Variants in N4BP2 observed in about 807,000 individuals in gnomAD.
N4BP2 encodes NEDD4 binding protein 2.
A neutral mutation model predicts 152.8 loss-of-function variants in N4BP2; 91 were observed. The observed-to-expected ratio is 0.60, with a 90% CI of 0.50 to 0.71. The LOEUF is 0.71. Ranked by LOEUF, N4BP2 falls within the 30% of genes least tolerant of loss-of-function variation. The probability of loss-of-function intolerance (pLI) is 0.00; values close to 1 mark genes in which losing one functional copy is unlikely to be tolerated. For synonymous variants in N4BP2, 646 were observed against 705.3 expected, an observed-to-expected ratio of 0.92 and a Z score of 1.33; for missense variants, 1,923 against 2,059.1, an observed-to-expected ratio of 0.93 and a Z score of 1.28.
intron 16 of N4BP2, among the ~76,000 whole-genome samples, chr4:40,151,515 A>C (rs1721149967): frequency 6.6e-6 from 1 of 152,046 alleles, no homozygotes; most frequent in South Asian, 2.1e-4. Context: ...CAAGTGGTCC[A>C]CCTTCCTTAG....
chr4:40,084,088 T>C (rs559214806), intron 2 of N4BP2, among the ~76,000 whole-genome samples: 155 of 152,200 alleles, frequency 1.0e-3, no homozygotes, highest in Non-Finnish European at 1.9e-3. Flanking sequence ...GTAGCTGGGA[T>C]TACAGGCATG....
chr4:40,087,280 TTTTTAAAGGAGGGGAAGCTTC>T (rs1000783124), intron 2 of N4BP2, among the ~76,000 whole-genome samples: 2 of 152,020 alleles, frequency 1.3e-5, no homozygotes, highest in African/African-American at 4.8e-5. Context: ...AAAAAAATTT[TTTTTAAAGGAGGGGAAGCTTC>T]TTGTGTTAAT....
intron 3 of N4BP2, among the ~76,000 whole-genome samples, chr4:40,098,949 G>C (rs371082098): frequency 2.0e-5 from 3 of 152,208 alleles, no homozygotes; most frequent in African/African-American, 7.2e-5. Flanking sequence ...TATTTTTAAT[G>C]GGTTTCTAAT....
At chr4:40,118,876 T>C (rs150190493) in intron 8 of N4BP2, among the ~76,000 whole-genome samples, 5 of 152,286 alleles carry the variant, frequency 3.3e-5, no homozygotes, top group Non-Finnish European at 5.9e-5. Flanking sequence ...AAAAACAGCA[T>C]TAACTGACAG....
intron 1 of N4BP2, chr4:40,057,339 C>T (rs1314910922): frequency 1.3e-5 from 2 of 152,582 alleles, no homozygotes; most frequent in African/African-American, 2.4e-5. Context: ...GGCCTCCAGG[C>T]CCCAGACACA....
intron 1 of N4BP2, among the ~76,000 whole-genome samples, chr4:40,065,629 T>C (rs915597981): frequency 4.6e-5 from 7 of 152,198 alleles, no homozygotes; most frequent in African/African-American, 1.4e-4. Flanking sequence ...AAATATAAAC[T>C]ACTTTCATTT....
At chr4:40,093,987 C>T (rs1714877458) in intron 2 of N4BP2, among the ~76,000 whole-genome samples, 1 of 152,196 alleles carries the variant, frequency 6.6e-6, no homozygotes, top group Non-Finnish European at 1.5e-5. Context: ...CTGCCCACCT[C>T]AGCCTCCCAG....
At chr4:40,103,905 C>A (rs1438542604) in intron 4 of N4BP2, among the ~76,000 whole-genome samples, 1 of 152,126 alleles carries the variant, frequency 6.6e-6, no homozygotes, top group African/African-American at 2.4e-5. Context: ...CCCTCTCTAT[C>A]CCTGCTTAAC....
downstream of N4BP2, among the ~76,000 whole-genome samples, chr4:40,163,231 T>G (rs1312012461): frequency 1.3e-5 from 2 of 152,246 alleles, no homozygotes; most frequent in Non-Finnish European, 2.9e-5. Context: ...TAGGCACCAC[T>G]GGGTACTTTG....
chr4:40,098,329 A>G (rs1225560784), intron 3 of N4BP2, among the ~76,000 whole-genome samples: 2 of 152,232 alleles, frequency 1.3e-5, no homozygotes, highest in African/African-American at 4.8e-5. Context: ...TTAGGTAGAA[A>G]TATAACAGTA....
At chr4:40,066,683 T>A (rs1711556028) in intron 1 of N4BP2, among the ~76,000 whole-genome samples, 1 of 152,196 alleles carries the variant, frequency 6.6e-6, no homozygotes, top group South Asian at 2.1e-4. Flanking sequence ...AATCACCTTG[T>A]CTCAGTTTTT....
chr4:40,105,795 C>A lies in N4BP2; in HGVS notation c.1374-1105C>A, dbSNP rs147732271. 3.0e-3 allele frequency among the ~76,000 whole-genome samples: 457 copies of A among 152,238 alleles called. 5 individuals carry two copies. The highest frequency in any genetic ancestry group is 0.01 in the African/African-American group (435 of 41,552). On this transcript the variant is annotated intron_variant, in intron 4 of 17. Transcript: ENST00000261435. ...CAAACTCCTGGGCTCAAGCAGTCTT[C>A]CCACCTCAGCCTCCCAAAGTGCTGG...
rs187614083 is a variant in N4BP2 at position 40,077,003 on chromosome 4, T to C, written c.-115+3452T>C. Among the ~76,000 whole-genome samples, 663 of 152,266 alleles carry C rather than the reference T, an allele frequency of 4.4e-3. 5 individuals are homozygous for C. The highest frequency in any genetic ancestry group is 0.015 in the African/African-American group (639 of 41,564). Reference sequence around the variant, plus strand: ...CTATGTTTGGGTCCTGTAACTTCCCTATATATTACATATAGAGAGATTTTT... The same window carrying C: ...CTATGTTTGGGTCCTGTAACTTCCCCATATATTACATATAGAGAGATTTTT... On this transcript the variant is annotated intron_variant, in intron 2 of 17. Transcript: ENST00000261435.
chr4:40,123,304 C>G, intron 10 of N4BP2, 92 bp downstream of exon 10: 2 of 831,294 alleles, frequency 2.4e-6, no homozygotes, highest in Non-Finnish European at 3.8e-6. Context: ...TTAAGGAGTT[C>G]TATTGAATTT....
chr4:40,113,985 G>A (rs770086988), intron 7 of N4BP2, among the ~76,000 whole-genome samples: 5 of 152,158 alleles, frequency 3.3e-5, no homozygotes, highest in Admixed American at 6.5e-5. Flanking sequence ...TGGGAGGGGC[G>A]AATTGTCGTA....
At chr4:40,107,062 G>A (rs1186754100) in intron 5 of N4BP2, 38 bp downstream of exon 5, 2 of 1,590,924 alleles carry the variant, frequency 1.3e-6, no homozygotes, top group African/African-American at 1.4e-5. Flanking sequence ...AACGTTATGA[G>A]TAATACAAAG....
chr4:40,167,491 G>C, the N4BP2 span: 1 of 152,154 alleles, frequency 6.6e-6, no homozygotes, highest in Admixed American at 6.6e-5. Context: ...TCAGACAGTG[G>C]AATCATATCT....
intron 9 of N4BP2, 47 bp from the exon 10 acceptor site, chr4:40,123,080 A>T: frequency 8.1e-7 from 1 of 1,237,470 alleles, no homozygotes; most frequent in Non-Finnish European, 1.2e-6. Flanking sequence ...CTGCAAATAT[A>T]TAATGAGTAA....
At chr4:40,060,917 C>T (rs989860273) in intron 1 of N4BP2, among the ~76,000 whole-genome samples, 6 of 152,058 alleles carry the variant, frequency 3.9e-5, no homozygotes, top group Admixed American at 1.3e-4. Flanking sequence ...TTTTTCTAAA[C>T]GTGGATTGTA....
Sources: gnomAD v4.1 joint callset for allele counts (sites outside exome capture counted in the v4.1 genomes callset) on GRCh38, gnomAD v4.1.1 for gene constraint, MANE v1.5 for transcripts, NCBI Gene and HGNC (gene_info 2026-07-23, HGNC 2026-07-21) for gene names.